The following DPP6 variants were observed in gnomAD, a reference collection of about 807,000 sequenced individuals.
The protein encoded by DPP6 is A-type potassium channel modulatory protein DPP6.
A neutral mutation model predicts 122.6 loss-of-function variants in DPP6; 69 were observed. The ratio of observed to expected loss-of-function variants is 0.56; its 90% CI spans 0.46 to 0.69. The LOEUF (loss-of-function observed/expected upper bound fraction) is 0.69, where lower values mean the gene tolerates loss of function less well. Among genes scored for constraint, DPP6 ranks in the 30% least tolerant of loss-of-function variants. DPP6 has a pLI of 0.00. For missense variants in DPP6, 928 were observed against 1,116.9 expected (o/e 0.83, Z 2.41); for synonymous variants, 418 against 433.1 (o/e 0.97, Z 0.43).
At chr7:154,137,658 T>TGGGGGGGGGGGGGGGGGGGGG (rs1163077821) in intron 1 of DPP6, among the ~76,000 whole-genome samples, 2 of 48,384 alleles carry the variant, frequency 4.1e-5, no homozygotes, top group African/African-American at 7.4e-5. Flanking sequence ...GGTGGGGGGG[T>TGGGGGGGGGGGGGGGGGGGGG]GGGGGGGGTG....
chr7:153,963,125 A>T (rs1276128520), intron 1 of DPP6, among the ~76,000 whole-genome samples: 1 of 152,188 alleles, frequency 6.6e-6, no homozygotes, highest in Admixed American at 6.5e-5. Context: ...GGAATATACC[A>T]TATGGAAAAG....
intron 1 of DPP6, among the ~76,000 whole-genome samples, chr7:154,351,074 A>G (rs953751163): frequency 4.6e-5 from 7 of 152,236 alleles, no homozygotes; most frequent in African/African-American, 1.2e-4. Flanking sequence ...TAGAGAAGTT[A>G]GGAGCATGTG....
chr7:154,016,091 C>G (rs1284604268), intron 1 of DPP6, among the ~76,000 whole-genome samples: 1 of 152,188 alleles, frequency 6.6e-6, no homozygotes, highest in Non-Finnish European at 1.5e-5. Flanking sequence ...CCCGAAGGCT[C>G]TCTCATAGAT....
At chr7:154,735,498 A>G (rs1842531456) in intron 8 of DPP6, among the ~76,000 whole-genome samples, 1 of 152,262 alleles carries the variant, frequency 6.6e-6, no homozygotes, top group South Asian at 2.1e-4. Flanking sequence ...CATTGGCTCA[A>G]TCAAATAGCA....
intron 1 of DPP6, among the ~76,000 whole-genome samples, chr7:153,935,095 G>C (rs1021806151): frequency 2.6e-5 from 4 of 152,224 alleles, no homozygotes; most frequent in African/African-American, 9.6e-5. Flanking sequence ...GCCCATCCCA[G>C]TGGGTGCTGA....
chr7:154,788,605 A>G (rs985512424), intron 10 of DPP6, among the ~76,000 whole-genome samples: 2 of 152,190 alleles, frequency 1.3e-5, no homozygotes, highest in African/African-American at 4.8e-5. Context: ...TTATTTCCTT[A>G]TTACTAGATT....
chr7:154,060,428 C>G (rs551351121), intron 1 of DPP6, among the ~76,000 whole-genome samples: 1 of 134,806 alleles, frequency 7.4e-6, no homozygotes, highest in Non-Finnish European at 1.6e-5. Context: ...GCACCCCCCG[C>G]GAGGCGGGGA....
chr7:154,140,298 C>G (rs1219808101), intron 1 of DPP6, among the ~76,000 whole-genome samples: 1 of 152,166 alleles, frequency 6.6e-6, no homozygotes, highest in Admixed American at 6.5e-5. Context: ...ATGAAAGACA[C>G]AGCAAATGTC....
intron 16 of DPP6, among the ~76,000 whole-genome samples, chr7:154,810,886 C>A (rs1799017480): frequency 6.6e-6 from 1 of 152,200 alleles, no homozygotes; most frequent in Non-Finnish European, 1.5e-5. Context: ...CTATAATAAT[C>A]AAACAGATTC....
At chr7:154,767,330 A>G (rs1476832821) in intron 8 of DPP6, among the ~76,000 whole-genome samples, 1 of 152,138 alleles carries the variant, frequency 6.6e-6, no homozygotes, top group East Asian at 1.9e-4. Context: ...GTGATTGAGC[A>G]CAATCACCCA....
At chr7:154,820,738 A>G (rs1205204979) in intron 16 of DPP6, among the ~76,000 whole-genome samples, 1 of 152,188 alleles carries the variant, frequency 6.6e-6, no homozygotes, top group Non-Finnish European at 1.5e-5. Flanking sequence ...CTTTAGAAGG[A>G]GAGATTGGGG....
At chr7:153,994,980 G>A (rs1323825415) in intron 1 of DPP6, among the ~76,000 whole-genome samples, 1 of 152,180 alleles carries the variant, frequency 6.6e-6, no homozygotes, top group Admixed American at 6.5e-5. Context: ...TTCTCAATAT[G>A]TGATTTTTAG....
chr7:154,869,524 G>C (rs933233901), intron 18 of DPP6, among the ~76,000 whole-genome samples: 2 of 152,226 alleles, frequency 1.3e-5, no homozygotes, highest in Non-Finnish European at 2.9e-5. Context: ...AGAGGAGACC[G>C]TGCAATCCAG....
intron 5 of DPP6, among the ~76,000 whole-genome samples, chr7:154,634,470 C>G (rs1007167595): frequency 3.9e-5 from 6 of 152,066 alleles, no homozygotes; most frequent in African/African-American, 1.4e-4. Context: ...GCTACAAAGA[C>G]ACATGCACAT....
chr7:154,809,104 G>A lies in DPP6; in HGVS notation c.1666+1992G>A, dbSNP rs77665192. Reference sequence around the variant, plus strand: ...TTACTATAACCAGCAAGAAGGGTCTGGCTTCTCACCGTTCATGGAAAGAAG... The same window carrying A: ...TTACTATAACCAGCAAGAAGGGTCTAGCTTCTCACCGTTCATGGAAAGAAG... On this transcript the variant is annotated intron_variant, in intron 16 of 25. Transcript: ENST00000377770. Among the ~76,000 whole-genome samples, 829 of 152,278 alleles carry A rather than the reference G, an allele frequency of 5.4e-3. 10 individuals are homozygous for A. The highest frequency in any genetic ancestry group is 0.019 in the African/African-American group (786 of 41,542).
At chr7:154,184,509 G>T (rs1798255990) in intron 1 of DPP6, among the ~76,000 whole-genome samples, 1 of 152,024 alleles carries the variant, frequency 6.6e-6, no homozygotes, top group Non-Finnish European at 1.5e-5. Flanking sequence ...ACACTGGTCT[G>T]TGTGAGTCCC....
At chr7:153,816,998 C>T in the DPP6 span, among the ~76,000 whole-genome samples, 3 of 151,028 alleles carry the variant, frequency 2.0e-5, no homozygotes, top group East Asian at 5.9e-4. Context: ...CATGGCTTAC[C>T]CATATGGGGA....
chr7:154,551,437 G>A (rs1053842266), intron 4 of DPP6, among the ~76,000 whole-genome samples: 1 of 152,050 alleles, frequency 6.6e-6, no homozygotes. Flanking sequence ...AGACCTGAGG[G>A]CCTAACTTTT....
intron 1 of DPP6, among the ~76,000 whole-genome samples, chr7:154,030,335 G>A (rs1467463456): frequency 2.0e-5 from 3 of 152,176 alleles, no homozygotes; most frequent in African/African-American, 4.8e-5. Context: ...CCTTTGTCCA[G>A]TGCTGTGGAA....
Sources: allele counts gnomAD v4.1 joint callset (sites outside exome capture counted in the v4.1 genomes callset), GRCh38; gene constraint gnomAD v4.1.1; transcripts MANE v1.5; gene names NCBI Gene and HGNC (gene_info 2026-07-23, HGNC 2026-07-21).